Variants in THSD7A observed in about 807,000 individuals in gnomAD.
The protein encoded by THSD7A is thrombospondin type-1 domain-containing protein 7A.
Under a neutral mutation model 231.3 loss-of-function variants are expected in THSD7A, and 96 were observed. The ratio of observed to expected loss-of-function variants is 0.41; its 90% CI spans 0.35 to 0.49. The LOEUF (loss-of-function observed/expected upper bound fraction) is 0.49, where lower values mean the gene tolerates loss of function less well. Ranked by LOEUF, THSD7A falls within the 20% of genes least tolerant of loss-of-function variation. THSD7A has a pLI of 0.05. For synonymous variants in THSD7A, 940 were observed against 743.3 expected (o/e 1.26, Z -4.30); for missense variants, 2,290 against 2,070.2 (o/e 1.11, Z -2.06).
At chr7:11,610,427 A>C (rs1227680948) in intron 2 of THSD7A, among the ~76,000 whole-genome samples, 1 of 152,126 alleles carries the variant, frequency 6.6e-6, no homozygotes, top group Non-Finnish European at 1.5e-5. Flanking sequence ...TTGTAGGTAA[A>C]GTTAGTAAAG....
At chr7:11,597,205 A>G (rs1780394542) in intron 2 of THSD7A, among the ~76,000 whole-genome samples, 1 of 152,210 alleles carries the variant, frequency 6.6e-6, no homozygotes, top group Non-Finnish European at 1.5e-5. Context: ...TAAAATTTCT[A>G]GGGGTCCAGT....
At chr7:11,389,353 T>C (rs971729073) in intron 23 of THSD7A, among the ~76,000 whole-genome samples, 9 of 150,806 alleles carry the variant, frequency 6.0e-5, no homozygotes, top group African/African-American at 2.0e-4. Flanking sequence ...TTTAATGCCC[T>C]TCTTCGTCTC....
chr7:11,811,190 A>G (rs1042157961), intron 1 of THSD7A, among the ~76,000 whole-genome samples: 2 of 152,180 alleles, frequency 1.3e-5, no homozygotes, highest in African/African-American at 4.8e-5. Context: ...TTAAGAAAAC[A>G]AATTTCCTAT....
intron 4 of THSD7A, among the ~76,000 whole-genome samples, chr7:11,546,230 A>ACACACACACACACG (rs1477394829): frequency 6.6e-6 from 1 of 151,164 alleles, no homozygotes; most frequent in African/African-American, 2.4e-5. Context: ...ACACACACAC[A>ACACACACACACACG]CGTGGACCCT....
At chr7:11,728,271 AC>A (rs1196626574) in intron 1 of THSD7A, among the ~76,000 whole-genome samples, 1 of 151,964 alleles carries the variant, frequency 6.6e-6, no homozygotes, top group Non-Finnish European at 1.5e-5. Flanking sequence ...TGGTATATAT[AC>A]TATTCTGTAG....
chr7:11,403,858 A>G (rs189749873), intron 22 of THSD7A, among the ~76,000 whole-genome samples: 49 of 152,274 alleles, frequency 3.2e-4, no homozygotes, highest in African/African-American at 9.4e-4. Flanking sequence ...CAATAAAATT[A>G]CCCGATGCCT....
intron 13 of THSD7A, among the ~76,000 whole-genome samples, chr7:11,433,032 A>G (rs1417933829): frequency 6.6e-6 from 1 of 152,052 alleles, no homozygotes; most frequent in African/African-American, 2.4e-5. Context: ...GTTGTGAGAC[A>G]TAGAAGACAG....
intron 4 of THSD7A, among the ~76,000 whole-genome samples, chr7:11,565,680 T>G (rs1291758411): frequency 6.6e-6 from 1 of 152,212 alleles, no homozygotes; most frequent in Non-Finnish European, 1.5e-5. Context: ...AATATCTGGC[T>G]CTTGGTTGTC....
chr7:11,670,543 A>G (rs543374743), intron 1 of THSD7A, among the ~76,000 whole-genome samples: 17 of 152,334 alleles, frequency 1.1e-4, no homozygotes, highest in Non-Finnish European at 2.2e-4. Flanking sequence ...GACAAGTAAT[A>G]ATAAGTTGAT....
In THSD7A at chr7:11,375,698, A is replaced by G. The variant is rs1022699773; in HGVS notation, c.*96T>C. Reference sequence around the variant, plus strand: ...ATGCCATTTTTAAAAATTAAAATATATTTTAATCCACACAGTTTGGATACA... The same window carrying G: ...ATGCCATTTTTAAAAATTAAAATATGTTTTAATCCACACAGTTTGGATACA... On this transcript the variant is annotated 3_prime_UTR_variant, in exon 28 of 28. Transcript: ENST00000423059. 5 of 1,008,864 alleles carry G rather than the reference A, an allele frequency of 5.0e-6. No homozygotes were observed. The highest frequency in any genetic ancestry group is 1.6e-5 in the African/African-American group (1 of 60,962). 62.5% of individuals were successfully genotyped at this position (1,008,864 alleles called of 1,614,324 possible). A position where few individuals can be genotyped will look rare whatever the true frequency, so the allele number is the denominator to read the frequency against.
At chr7:11,704,062 A>G (rs531876980) in intron 1 of THSD7A, among the ~76,000 whole-genome samples, 8 of 151,386 alleles carry the variant, frequency 5.3e-5, no homozygotes, top group Non-Finnish European at 1.0e-4. Context: ...CTAATGCTAT[A>G]CACAGAGTAA....
intron 13 of THSD7A, among the ~76,000 whole-genome samples, chr7:11,445,725 G>A (rs1233500019): frequency 6.6e-6 from 1 of 152,008 alleles, no homozygotes; most frequent in African/African-American, 2.4e-5. Flanking sequence ...CCTGTGCACA[G>A]ACTTGTTAGG....
At chr7:11,553,882 A>G (rs971531021) in intron 4 of THSD7A, among the ~76,000 whole-genome samples, 2 of 151,898 alleles carry the variant, frequency 1.3e-5, no homozygotes, top group African/African-American at 2.4e-5. Flanking sequence ...TTCTTTTTCT[A>G]TCAAGATGGC....
At chr7:11,398,874 C>T (rs1783292677) in intron 23 of THSD7A, among the ~76,000 whole-genome samples, 1 of 152,178 alleles carries the variant, frequency 6.6e-6, no homozygotes, top group African/African-American at 2.4e-5. Context: ...ACATTGTGGA[C>T]TTAAAGAGTA....
chr7:11,469,671 A>C (rs1432633293), intron 9 of THSD7A, among the ~76,000 whole-genome samples: 1 of 152,208 alleles, frequency 6.6e-6, no homozygotes, highest in Admixed American at 6.6e-5. Context: ...ATAAAATTTC[A>C]AGCCAGGTTT....
intron 6 of THSD7A, among the ~76,000 whole-genome samples, chr7:11,530,840 G>T (rs952901509): frequency 2.0e-5 from 3 of 152,054 alleles, no homozygotes; most frequent in Non-Finnish European, 4.4e-5. Context: ...GTGAAGCCTG[G>T]TCTCTACTAA....
At chr7:11,465,171 C>A (rs956579406) in intron 9 of THSD7A, among the ~76,000 whole-genome samples, 2 of 152,064 alleles carry the variant, frequency 1.3e-5, no homozygotes, top group African/African-American at 4.8e-5. Context: ...ATTTGCTGAA[C>A]GCACAAACAC....
chr7:11,649,260 T>C (rs545782767), intron 1 of THSD7A, among the ~76,000 whole-genome samples: 1 of 151,982 alleles, frequency 6.6e-6, no homozygotes, highest in Non-Finnish European at 1.5e-5. Flanking sequence ...AGCAGATCTT[T>C]TGGCACCAGT....
At chr7:11,529,690 C>T (rs1008024374) in intron 6 of THSD7A, among the ~76,000 whole-genome samples, 16 of 152,148 alleles carry the variant, frequency 1.1e-4, no homozygotes, top group African/African-American at 3.9e-4. Context: ...AGTGAGGCCT[C>T]TTCAGCCATG....
Sources: gnomAD v4.1 joint callset for allele counts (sites outside exome capture counted in the v4.1 genomes callset) on GRCh38, gnomAD v4.1.1 for gene constraint, MANE v1.5 for transcripts, NCBI Gene and HGNC (gene_info 2026-07-23, HGNC 2026-07-21) for gene names.